Variants in TXNRD2 observed in about 807,000 individuals in gnomAD.
TXNRD2 encodes the protein thioredoxin reductase 2, mitochondrial.
A neutral mutation model predicts 70.8 loss-of-function variants in TXNRD2; 67 were observed. That is an observed-to-expected ratio of 0.95 (90% confidence interval 0.78 to 1.16). The LOEUF is 1.16. Ranked by LOEUF, TXNRD2 falls within the 50% of genes most tolerant of loss-of-function variation. The pLI is 0.00. For missense variants in TXNRD2, 644 were observed against 719.9 expected (o/e 0.89, Z 1.21); for synonymous variants, 301 against 295.8 (o/e 1.02, Z -0.18).
intron 1 of TXNRD2, among the ~76,000 whole-genome samples, chr22:19,931,962 C>A (rs763604094): frequency 4.0e-5 from 6 of 151,792 alleles, no homozygotes; most frequent in Non-Finnish European, 8.8e-5. Context: ...AGATCGAGAC[C>A]ATCCTGGCTA....
chr22:19,889,263 C>A (rs1486914524), intron 11 of TXNRD2, among the ~76,000 whole-genome samples: 2 of 152,216 alleles, frequency 1.3e-5, no homozygotes. Flanking sequence ...CAGCTCAGGC[C>A]CAGAGGACCC....
Position 19,877,273 on chromosome 22 carries a change from CAGGG to C in TXNRD2, c.1446-43_1446-40del, listed in dbSNP as rs759071534. On this transcript the variant is annotated intron_variant, in intron 16 of 17. Coordinates refer to ENST00000400521, the MANE Select transcript of TXNRD2 (RefSeq NM_006440.5). The stretch of plus-strand genomic sequence containing the variant: ...ATGGGGGAGGCAGGCGGGGTCAGCA[CAGGG>C]AGGGGGGTCCACAGCATCCCACCCC... The C allele has an allele frequency of 1.5e-4, 239 of 1,581,410 alleles. 1 individual carries two copies. Among genetic ancestry groups the C allele is most frequent in the Non-Finnish European group, 2.0e-4 (234 of 1,154,494 alleles).
chr22:19,909,960 TCA>T (rs759756078), intron 8 of TXNRD2, among the ~76,000 whole-genome samples: 11 of 100,220 alleles, frequency 1.1e-4, no homozygotes, highest in African/African-American at 2.4e-4. Context: ...CACACACCAC[TCA>T]CACACACACC....
rs1938734131 is a variant in TXNRD2 at position 19,880,704 on chromosome 22, A to AC, written c.1099_1100insG (p.Leu367ArgfsTer59). ...CCCGGCCATGATCGCTATGGGTGTC[A>AC]GCTCAGGCCGCCCCTTGGGGAAGGC... On this transcript the variant is annotated frameshift_variant, in exon 13 of 18. Coordinates refer to ENST00000400521, the MANE Select transcript of TXNRD2 (RefSeq NM_006440.5). LOFTEE classifies it high-confidence loss of function. 6.2e-7 allele frequency: 1 copy of AC among 1,612,434 alleles called. No individual in the cohort carries two copies. Among genetic ancestry groups the AC allele is most frequent in the Non-Finnish European group, 8.5e-7 (1 of 1,179,872 alleles).
intron 1 of TXNRD2, among the ~76,000 whole-genome samples, chr22:19,931,892 A>G (rs932993537): frequency 4.7e-4 from 72 of 152,126 alleles, no homozygotes; most frequent in East Asian, 3.5e-3. Context: ...TAGGGGCGGT[A>G]GCTCACGCCT....
At chr22:19,932,350 G>A (rs376394853) in intron 1 of TXNRD2, 16 of 1,612,360 alleles carry the variant, frequency 9.9e-6, no homozygotes, top group African/African-American at 5.3e-5. Flanking sequence ...TTGTGGTGTC[G>A]CCTCACCTTG....
intron 11 of TXNRD2, among the ~76,000 whole-genome samples, chr22:19,892,062 C>T (rs1057324640): frequency 1.3e-5 from 2 of 152,234 alleles, no homozygotes; most frequent in Admixed American, 6.5e-5. Context: ...GCACCGGGCA[C>T]GGAGGCATCC....
At chr22:19,906,377 C>T (rs570319829) in intron 8 of TXNRD2, among the ~76,000 whole-genome samples, 1 of 152,250 alleles carries the variant, frequency 6.6e-6, no homozygotes, top group Non-Finnish European at 1.5e-5. Context: ...CACCTGTAAT[C>T]CCAGCACTTT....
rs542653268 is a variant in TXNRD2, at chr22:19,918,352, C to T, written c.375-135G>A. ...AAGAGTGCTTTTAAAGGTGGCAAAA[C>T]GTGACATCCATCCCTACGTGCAACC... On this transcript the variant is annotated intron_variant, in intron 4 of 17. Transcript: ENST00000400521. The T allele has an allele frequency of 1.7e-5, 14 of 806,746 alleles. 1 individual carries two copies. Among genetic ancestry groups the T allele is most frequent in the South Asian group, 6.3e-5 (4 of 64,000 alleles). 50.0% of individuals were successfully genotyped at this position (806,746 alleles called of 1,614,324 possible).
intron 10 of TXNRD2, 68 bp from the exon 11 acceptor site, chr22:19,895,649 T>C: frequency 6.3e-7 from 1 of 1,580,198 alleles, no homozygotes; most frequent in South Asian, 1.1e-5. Flanking sequence ...GGCCCTGCCC[T>C]GCTCTCGAAG....
intron 7 of TXNRD2, among the ~76,000 whole-genome samples, chr22:19,911,663 T>A (rs1350089142): frequency 6.6e-6 from 1 of 152,198 alleles, no homozygotes; most frequent in African/African-American, 2.4e-5. Flanking sequence ...CAGGTCCCGG[T>A]GCCCTCGCAG....
At chr22:19,934,092 C>CA (rs1488694816) in intron 1 of TXNRD2, among the ~76,000 whole-genome samples, 1 of 152,198 alleles carries the variant, frequency 6.6e-6, no homozygotes. Flanking sequence ...CTGGCCACCT[C>CA]AGGGTGCCAC....
At chr22:19,882,145 G>A (rs892513766) in intron 12 of TXNRD2, among the ~76,000 whole-genome samples, 3 of 152,146 alleles carry the variant, frequency 2.0e-5, no homozygotes, top group African/African-American at 7.2e-5. Flanking sequence ...GCCACAACCC[G>A]AGGGACGCCT....
chr22:19,933,725 T>C (rs1030200035), intron 1 of TXNRD2, among the ~76,000 whole-genome samples: 4 of 152,148 alleles, frequency 2.6e-5, no homozygotes, highest in African/African-American at 9.7e-5. Context: ...CCAAAGTACC[T>C]CAAAGGTGGG....
chr22:19,927,690 A>AAAAG (rs1941204992), intron 2 of TXNRD2, among the ~76,000 whole-genome samples: 1 of 151,224 alleles, frequency 6.6e-6, no homozygotes, highest in African/African-American at 2.4e-5. Context: ...AGAAAGAAAG[A>AAAAG]AAAGAAAGAA....
At chr22:19,879,620 G>T in intron 14 of TXNRD2, among the ~76,000 whole-genome samples, 1 of 151,576 alleles carries the variant, frequency 6.6e-6, no homozygotes, top group Non-Finnish European at 1.5e-5. Context: ...CAGGGTGGTG[G>T]GGGGGGTGGG....
intron 1 of TXNRD2, chr22:19,932,556 C>A: frequency 6.7e-7 from 1 of 1,482,314 alleles, no homozygotes; most frequent in South Asian, 1.3e-5. Context: ...AGGTCCGGGA[C>A]ACCCAGCACC....
At chr22:19,923,033 TG>T (rs2146062708) in intron 2 of TXNRD2, among the ~76,000 whole-genome samples, 1 of 152,294 alleles carries the variant, frequency 6.6e-6, no homozygotes, top group African/African-American at 2.4e-5. Context: ...ACCTGAAGTT[TG>T]AGTCTCCTTC....
chr22:19,892,819 AAAAT>A (rs1939326742), intron 11 of TXNRD2, among the ~76,000 whole-genome samples: 1 of 152,236 alleles, frequency 6.6e-6, no homozygotes, highest in African/African-American at 2.4e-5. Context: ...TTTTGAAAGA[AAAAT>A]AAAGTGGAGT....
Sources: allele counts gnomAD v4.1 joint callset (sites outside exome capture counted in the v4.1 genomes callset), GRCh38; gene constraint gnomAD v4.1.1; transcripts MANE v1.5; gene names NCBI Gene and HGNC (gene_info 2026-07-23, HGNC 2026-07-21).